LPAR1: variants seen among roughly 807,000 people sequenced by gnomAD.
LPAR1 encodes the protein lysophosphatidic acid receptor 1, also known as LPA receptor 1.
A neutral mutation model predicts 23.8 loss-of-function variants in LPAR1; 5 were observed. That is an observed-to-expected ratio of 0.21 (90% confidence interval 0.11 to 0.44). LPAR1 has a LOEUF of 0.44. Among genes scored for constraint, LPAR1 ranks in the 20% least tolerant of loss-of-function variants. The pLI is 0.99. For missense variants in LPAR1, 311 were observed against 482.8 expected (o/e 0.64, Z 3.33); for synonymous variants, 160 against 164.7 (o/e 0.97, Z 0.22).
chr9:110,873,728 C>T lies in LPAR1; in HGVS notation c.*1693G>A, dbSNP rs932731447. On this transcript the variant is annotated 3_prime_UTR_variant, in exon 6 of 6. Transcript: ENST00000683809. The stretch of plus-strand genomic sequence containing the variant: ...CTGGCGAATACACAGTAACCAACCA[C>T]ATACTGACACACTCAACCCATTTGC... 1 of 152,246 alleles carries T rather than the reference C, an allele frequency of 6.6e-6. No homozygotes were observed. The highest frequency in any genetic ancestry group is 2.4e-5 in the African/African-American group (1 of 41,460). 9.4% of individuals were successfully genotyped at this position (152,246 alleles called of 1,614,324 possible).
At chr9:110,981,258 C>T (rs2096660146) in intron 2 of LPAR1, among the ~76,000 whole-genome samples, 1 of 152,070 alleles carries the variant, frequency 6.6e-6, no homozygotes, top group African/African-American at 2.4e-5. Flanking sequence ...GGCAGTGCTG[C>T]ATAGTAGTTA....
chr9:111,038,826 G>T (rs994889485), upstream of LPAR1: 9 of 320,918 alleles, frequency 2.8e-5, no homozygotes, highest in Admixed American at 3.3e-4. This position sits in a 1 kb window ranked among gnomAD's most constrained non-coding sequence, Gnocchi z 4.4. Flanking sequence ...CGGGAGACCC[G>T]TGGCCGCCAG....
chr9:110,873,445 A>G lies in LPAR1; in HGVS notation c.*1976T>C, dbSNP rs2078523521. 6.6e-6 allele frequency: 1 copy of G among 152,238 alleles called. No homozygotes were observed. Among genetic ancestry groups the G allele is most frequent in the Admixed American group, 6.5e-5 (1 of 15,274 alleles). 9.4% of individuals were successfully genotyped at this position (152,238 alleles called of 1,614,324 possible). A position where few individuals can be genotyped will look rare whatever the true frequency, so the allele number is the denominator to read the frequency against. On this transcript the variant is annotated 3_prime_UTR_variant, in exon 6 of 6. Transcript: ENST00000683809. ...ACCTTTCTGCTAATCGGGTCCCCAC[A>G]TTCTTTTCACTACAGGTACTTTACA...
At chr9:110,898,529 G>T (rs535335454) in intron 5 of LPAR1, among the ~76,000 whole-genome samples, 239 of 152,322 alleles carry the variant, frequency 1.6e-3, no homozygotes, top group African/African-American at 5.7e-3. Context: ...TAGAGTGGGA[G>T]AACCGGATTT....
chr9:110,977,486 T>C (rs1244304150), intron 2 of LPAR1, among the ~76,000 whole-genome samples: 2 of 152,198 alleles, frequency 1.3e-5, no homozygotes, highest in Non-Finnish European at 1.5e-5. Context: ...AAACTTCCCT[T>C]TGATTACTTC....
At chr9:111,035,474 T>C (rs2097876946) in intron 2 of LPAR1, among the ~76,000 whole-genome samples, 1 of 152,176 alleles carries the variant, frequency 6.6e-6, no homozygotes, top group African/African-American at 2.4e-5. Flanking sequence ...TCGTCCTGCC[T>C]CAGCCTCCCA....
intron 5 of LPAR1, among the ~76,000 whole-genome samples, chr9:110,901,441 G>T (rs1374213539): frequency 2.0e-5 from 3 of 152,154 alleles, no homozygotes; most frequent in Non-Finnish European, 2.9e-5. Context: ...ATTTATAAAG[G>T]AAACAGGTTT....
chr9:110,922,472 T>C (rs2093695372), intron 5 of LPAR1, among the ~76,000 whole-genome samples: 2 of 152,160 alleles, frequency 1.3e-5, no homozygotes, highest in Non-Finnish European at 2.9e-5. Flanking sequence ...AGTTGTGCAG[T>C]GCCCAACAGG....
chr9:110,925,450 C>T lies in LPAR1; in HGVS notation c.793+15971G>A, dbSNP rs190853882. Among the ~76,000 whole-genome samples, 13 of 152,156 alleles carry T rather than the reference C, an allele frequency of 8.5e-5. No individual in the cohort carries two copies. In the East Asian group the frequency reaches 2.5e-3, roughly 29 times the overall value. On this transcript the variant is annotated intron_variant, in intron 5 of 5. Transcript: ENST00000683809. ...ATAGTCTCATAATCCTGATAGATGACAGTTTATAGAATCCTGCTGGGATTC... is the reference window on the plus strand; with the variant it reads ...ATAGTCTCATAATCCTGATAGATGATAGTTTATAGAATCCTGCTGGGATTC...
intron 5 of LPAR1, among the ~76,000 whole-genome samples, chr9:110,917,076 G>A (rs141506865): frequency 0.019 from 2,926 of 151,804 alleles, 102 homozygotes; most frequent in African/African-American, 0.065. Flanking sequence ...AGCGGCTCAC[G>A]GCTGTAATCC....
chr9:110,961,474 G>A (rs1381157379), intron 4 of LPAR1, among the ~76,000 whole-genome samples: 3 of 151,808 alleles, frequency 2.0e-5, no homozygotes, highest in Non-Finnish European at 2.9e-5. Context: ...ATAAAAATTA[G>A]CCAGGTGTAG....
At chr9:110,909,005 A>C (rs1387049994) in intron 5 of LPAR1, among the ~76,000 whole-genome samples, 2 of 152,140 alleles carry the variant, frequency 1.3e-5, no homozygotes, top group Non-Finnish European at 2.9e-5. Context: ...CAGGCCTCTC[A>C]AAAAAGTATC....
chr9:110,979,306 A>G (rs952646604), intron 2 of LPAR1, among the ~76,000 whole-genome samples: 4 of 152,126 alleles, frequency 2.6e-5, no homozygotes, highest in African/African-American at 4.8e-5. Flanking sequence ...GAGTTAAAAA[A>G]AAAAAAGTAA....
intron 2 of LPAR1, among the ~76,000 whole-genome samples, chr9:111,006,595 G>A (rs2097221748): frequency 1.3e-5 from 2 of 152,058 alleles, no homozygotes; most frequent in Admixed American, 1.3e-4. Context: ...AATAATTTGG[G>A]TTGATCCAAA....
intron 2 of LPAR1, among the ~76,000 whole-genome samples, chr9:110,982,203 T>C (rs527613328): frequency 6.6e-6 from 1 of 152,250 alleles, no homozygotes; most frequent in South Asian, 2.1e-4. Flanking sequence ...TTGTTCACAA[T>C]AGCAAAGACT....
chr9:110,917,389 G>C (rs1254562730), intron 5 of LPAR1, among the ~76,000 whole-genome samples: 2 of 151,900 alleles, frequency 1.3e-5, no homozygotes, highest in African/African-American at 4.8e-5. Flanking sequence ...GCTTTTCAGG[G>C]GCAGGGCAAT....
At chr9:110,903,919 G>T (rs1291804414) in intron 5 of LPAR1, among the ~76,000 whole-genome samples, 2 of 137,240 alleles carry the variant, frequency 1.5e-5, no homozygotes, top group African/African-American at 5.6e-5. Flanking sequence ...TGAAAGCACT[G>T]AGAGAGCAAC....
intron 5 of LPAR1, among the ~76,000 whole-genome samples, chr9:110,903,727 GA>G (rs2090150720): frequency 1.3e-5 from 2 of 152,064 alleles, no homozygotes; most frequent in South Asian, 4.2e-4. Flanking sequence ...GAGTGGGCTT[GA>G]AAAATTGTTT....
chr9:110,946,772 T>C (rs1397769159), intron 4 of LPAR1, among the ~76,000 whole-genome samples: 1 of 152,120 alleles, frequency 6.6e-6, no homozygotes, highest in Non-Finnish European at 1.5e-5. Context: ...CATAGGGTTA[T>C]AAAACTTAAA....
Sources: allele counts gnomAD v4.1 joint callset (sites outside exome capture counted in the v4.1 genomes callset), GRCh38; gene constraint gnomAD v4.1.1; non-coding constraint Gnocchi (gnomAD v3.1); transcripts MANE v1.5; gene names NCBI Gene and HGNC (gene_info 2026-07-23, HGNC 2026-07-21).